SEC22C: variants seen among roughly 807,000 people sequenced by gnomAD.
SEC22C encodes the protein vesicle-trafficking protein SEC22c.
SEC22C carries 29 observed loss-of-function variants against 34.7 expected under a neutral mutation model. The observed-to-expected ratio is 0.84, with a 90% CI of 0.62 to 1.14. SEC22C has a LOEUF of 1.14. Among genes scored for constraint, SEC22C ranks in the 50% most tolerant of loss-of-function variants. SEC22C has a pLI of 0.00. For missense variants in SEC22C, 337 were observed against 369.0 expected (o/e 0.91, Z 0.71); for synonymous variants, 117 against 132.8 (o/e 0.88, Z 0.82).
intron 1 of SEC22C, among the ~76,000 whole-genome samples, chr3:42,570,185 C>A (rs1349643468): frequency 6.6e-6 from 1 of 152,134 alleles, no homozygotes. Flanking sequence ...CCCCAAGATG[C>A]ACACTACTCT....
At chr3:42,574,889 G>A (rs1030226343) in intron 1 of SEC22C, among the ~76,000 whole-genome samples, 1 of 152,200 alleles carries the variant, frequency 6.6e-6, no homozygotes, top group Non-Finnish European at 1.5e-5. Flanking sequence ...CACAATCATG[G>A]CTCACTGCTG....
chr3:42,564,704 T>A (rs183896517), intron 2 of SEC22C, among the ~76,000 whole-genome samples: 186 of 152,330 alleles, frequency 1.2e-3, no homozygotes, highest in Non-Finnish European at 2.0e-3. Flanking sequence ...CCCTCACCTA[T>A]CACCATTCCA....
At chr3:42,584,057 T>C (rs538441315), upstream of SEC22C, among the ~76,000 whole-genome samples, 18 of 152,318 alleles carry the variant, frequency 1.2e-4, no homozygotes, top group South Asian at 3.5e-3. Flanking sequence ...AGATGGTCTA[T>C]TGTGGGACTT....
intron 4 of SEC22C, 91 bp downstream of exon 4, chr3:42,561,026 A>G: frequency 7.3e-7 from 1 of 1,368,516 alleles, no homozygotes; most frequent in South Asian, 1.4e-5. Flanking sequence ...CCTCTCCCCA[A>G]AAAATAGCTT....
intron 1 of SEC22C, among the ~76,000 whole-genome samples, chr3:42,576,211 G>A (rs1466323685): frequency 3.9e-5 from 6 of 151,932 alleles, no homozygotes; most frequent in East Asian, 1.9e-4. Context: ...AAACAGTACC[G>A]AGAGGGAAAT....
intron 2 of SEC22C, chr3:42,566,980 C>T (rs1390358212): frequency 1.1e-5 from 2 of 184,440 alleles, no homozygotes; most frequent in Admixed American, 5.5e-5. Context: ...GAGGTGTGAA[C>T]ATGGCTCACT....
At position 42,549,558 on chromosome 3, in the gene SEC22C, C is replaced by T; in HGVS notation, c.*3690G>A. On this transcript the variant is annotated 3_prime_UTR_variant, in exon 7 of 7. Transcript: ENST00000264454. ...TCTGACTCTGAGCTGTGCTGACCAC[C>T]AAGTGTTACTCCTCTCCAAGACTTG... The T allele has an allele frequency of 3.2e-6, 3 of 935,152 alleles. No homozygotes were observed. The highest frequency in any genetic ancestry group is 3.7e-6 in the Non-Finnish European group (3 of 811,606). 57.9% of individuals were successfully genotyped at this position (935,152 alleles called of 1,614,324 possible).
rs1041533625 is a variant in SEC22C at position 42,551,640 on chromosome 3, T to A, written c.*1608A>T. 3.2e-6 allele frequency: 3 copies of A among 949,816 alleles called. No individual in the cohort carries two copies. In the African/African-American group the frequency reaches 5.3e-5, roughly 17 times the overall value. The allele number at this position is 949,816 out of a possible 1,614,324, so 58.8% of individuals were successfully genotyped here. ...GGCATGAGCCATCATGCCTGGCCCA[T>A]ATCCAAATATTTTATGTTTGGTCAA... On this transcript the variant is annotated 3_prime_UTR_variant, in exon 7 of 7. Transcript: ENST00000264454.
At chr3:42,568,150 A>G (rs1203362959) in intron 2 of SEC22C, among the ~76,000 whole-genome samples, 1 of 152,158 alleles carries the variant, frequency 6.6e-6, no homozygotes, top group African/African-American at 2.4e-5. Flanking sequence ...AAAGGTATAA[A>G]TAAAGTAAAA....
At chr3:42,566,515 A>C (rs576064642) in intron 2 of SEC22C, among the ~76,000 whole-genome samples, 1 of 146,596 alleles carries the variant, frequency 6.8e-6, no homozygotes, top group African/African-American at 2.7e-5. Context: ...TCTCTACTAA[A>C]AATACAAAAA....
At chr3:42,573,071 T>C (rs546959248) in intron 1 of SEC22C, among the ~76,000 whole-genome samples, 14 of 152,062 alleles carry the variant, frequency 9.2e-5, no homozygotes, top group Non-Finnish European at 1.9e-4. Context: ...AGGCTCATCT[T>C]GAACTCTCAG....
Position 42,548,892 on chromosome 3 carries a change from A to C in SEC22C, c.*4356T>G. On this transcript the variant is annotated 3_prime_UTR_variant, in exon 7 of 7. Coordinates refer to ENST00000264454, the MANE Select transcript of SEC22C (RefSeq NM_032970.4). Reference sequence around the variant, plus strand: ...ATGTAAAGCCTTTCTCCTCCCACACACAATGGACTCACCCAGTATTACCCT... The same window carrying C: ...ATGTAAAGCCTTTCTCCTCCCACACCCAATGGACTCACCCAGTATTACCCT... 7.3e-7 allele frequency: 1 copy of C among 1,364,550 alleles called. No individual in the cohort carries two copies. Among genetic ancestry groups the C allele is most frequent in the Non-Finnish European group, 9.5e-7 (1 of 1,056,884 alleles). The allele number at this position is 1,364,550 out of a possible 1,614,324, so 84.5% of individuals were successfully genotyped here.
At chr3:42,600,087 G>A (rs971876304) in intron 1 of SEC22C, among the ~76,000 whole-genome samples, 2 of 152,154 alleles carry the variant, frequency 1.3e-5, no homozygotes, top group Non-Finnish European at 2.9e-5. Flanking sequence ...TTTGTATCCA[G>A]AACTGTTAAA....
At chr3:42,586,616 C>T (rs1704620211), upstream of SEC22C, among the ~76,000 whole-genome samples, 1 of 151,112 alleles carries the variant, frequency 6.6e-6, no homozygotes, top group African/African-American at 2.4e-5. Flanking sequence ...AACCCCCACT[C>T]TCCTGGTTTT....
intron 1 of SEC22C, among the ~76,000 whole-genome samples, chr3:42,600,164 G>A (rs1327138122): frequency 6.6e-6 from 1 of 152,140 alleles, no homozygotes; most frequent in Non-Finnish European, 1.5e-5. Flanking sequence ...ATGCAGAATG[G>A]TCAGTAAGCA....
chr3:42,588,990 C>G (rs1204985856), intron 1 of SEC22C, among the ~76,000 whole-genome samples: 1 of 152,052 alleles, frequency 6.6e-6, no homozygotes. Flanking sequence ...GCAGGCCGGG[C>G]ACAGTAGCTC....
rs961083635 is a variant in SEC22C, at chr3:42,552,768, A to AT, written c.*479dup. 1.5e-5 allele frequency: 15 copies of AT among 983,268 alleles called. No homozygotes were observed. In the African/African-American group the frequency reaches 2.1e-4, roughly 14 times the overall value. The allele number at this position is 983,268 out of a possible 1,614,324, so 60.9% of individuals were successfully genotyped here. ...TTTATCTAGCTTACATTTATGAACC[A>AT]TATTTTTAGGTTTTTAATTCATCCT... is the stretch of plus-strand genomic sequence containing the variant. On this transcript the variant is annotated 3_prime_UTR_variant, in exon 7 of 7. Coordinates refer to ENST00000264454, the MANE Select transcript of SEC22C (RefSeq NM_032970.4).
chr3:42,572,432 C>A (rs1222931217), intron 1 of SEC22C, among the ~76,000 whole-genome samples: 1 of 152,164 alleles, frequency 6.6e-6, no homozygotes, highest in African/African-American at 2.4e-5. Context: ...GTGCCCCATT[C>A]TCCACCTCCC....
intron 1 of SEC22C, among the ~76,000 whole-genome samples, chr3:42,592,573 A>G (rs1170465137): frequency 2.0e-5 from 3 of 152,214 alleles, no homozygotes; most frequent in Non-Finnish European, 4.4e-5. Context: ...CCTACCCCCT[A>G]GAAAAATTAC....
Sources: allele counts gnomAD v4.1 joint callset (sites outside exome capture counted in the v4.1 genomes callset), GRCh38; gene constraint gnomAD v4.1.1; transcripts MANE v1.5; gene names NCBI Gene and HGNC (gene_info 2026-07-23, HGNC 2026-07-21).